Variants in CCDC12 observed in about 807,000 individuals in gnomAD.
CCDC12 encodes the protein coiled-coil domain-containing protein 12.
CCDC12 carries 28 observed loss-of-function variants against 25.7 expected under a neutral mutation model. The ratio of observed to expected loss-of-function variants is 1.09; its 90% CI spans 0.81 to 1.50. The LOEUF (loss-of-function observed/expected upper bound fraction) is 1.50, where lower values mean the gene tolerates loss of function less well. Ranked by LOEUF, CCDC12 falls within the 40% of genes most tolerant of loss-of-function variation. The pLI, the probability that CCDC12 is intolerant of heterozygous loss-of-function variation, is 0.00. For missense variants in CCDC12, 198 were observed against 210.0 expected, an observed-to-expected ratio of 0.94 and a Z score of 0.35; for synonymous variants, 75 against 87.7, an observed-to-expected ratio of 0.86 and a Z score of 0.81.
At chr3:46,973,779 A>AT (rs1322375655) in intron 1 of CCDC12, among the ~76,000 whole-genome samples, 3 of 151,658 alleles carry the variant, frequency 2.0e-5, no homozygotes, top group Non-Finnish European at 2.9e-5. Context: ...CGCTCGGCTA[A>AT]TTTTTTGTAT....
chr3:46,955,295 G>A (rs867320968), intron 1 of CCDC12, among the ~76,000 whole-genome samples: 1 of 152,156 alleles, frequency 6.6e-6, no homozygotes, highest in Non-Finnish European at 1.5e-5. Context: ...GAATGTTTAC[G>A]GAGTCTCTGA....
intron 1 of CCDC12, among the ~76,000 whole-genome samples, chr3:46,948,930 GGTA>G (rs377516912): frequency 0.95 from 144,849 of 152,158 alleles, 69,372 homozygotes; most frequent in East Asian, 1. Flanking sequence ...GCTCCCCTGT[GGTA>G]CTCCATGCTG....
chr3:46,947,234 C>G (rs1405176157), intron 1 of CCDC12, among the ~76,000 whole-genome samples: 1 of 152,184 alleles, frequency 6.6e-6, no homozygotes, highest in Non-Finnish European at 1.5e-5. Flanking sequence ...GATTTGGGCC[C>G]AGGGTGGGGA....
intron 1 of CCDC12, among the ~76,000 whole-genome samples, chr3:46,945,933 G>GA (rs778584804): frequency 1.1e-4 from 17 of 152,076 alleles, no homozygotes; most frequent in Non-Finnish European, 2.1e-4. Flanking sequence ...CATCTCCTCA[G>GA]ACTCGGTGTT....
intron 2 of CCDC12, among the ~76,000 whole-genome samples, chr3:46,932,238 T>A (rs756152962): frequency 1.3e-5 from 2 of 152,186 alleles, no homozygotes; most frequent in Non-Finnish European, 2.9e-5. Flanking sequence ...ATACGCACGA[T>A]CCTGGCAGCA....
At position 46,921,937 on chromosome 3, in the gene CCDC12, G is replaced by A; in HGVS notation, c.*120C>T. On this transcript the variant is annotated 3_prime_UTR_variant, in exon 7 of 7. Transcript: ENST00000683445. ...ATCCATGGGGGTTTCAGACTTGATG[G>A]GCAGGGAGTCTCTGCTCAGAAGCCA... 2 of 1,035,498 alleles carry A rather than the reference G, an allele frequency of 1.9e-6. No homozygotes were observed. The highest frequency in any genetic ancestry group is 1.5e-5 in the South Asian group (1 of 66,548). The allele number at this position is 1,035,498 out of a possible 1,614,324, so 64.1% of individuals were successfully genotyped here. A position where few individuals can be genotyped will look rare whatever the true frequency, so the allele number is the denominator to read the frequency against.
chr3:46,954,728 A>C (rs543087922), intron 1 of CCDC12, among the ~76,000 whole-genome samples: 51 of 152,330 alleles, frequency 3.3e-4, no homozygotes, highest in Non-Finnish European at 6.8e-4. Flanking sequence ...GTTCAAGACC[A>C]GCCTGGCCAA....
intron 2 of CCDC12, among the ~76,000 whole-genome samples, chr3:46,939,831 T>C (rs957719357): frequency 6.6e-6 from 1 of 152,170 alleles, no homozygotes; most frequent in African/African-American, 2.4e-5. Context: ...GGCCCGCATG[T>C]GGGGAGGTTC....
intron 2 of CCDC12, among the ~76,000 whole-genome samples, chr3:46,940,325 T>C (rs1287878326): frequency 6.6e-6 from 1 of 152,142 alleles, no homozygotes; most frequent in African/African-American, 2.4e-5. Context: ...GAGGGAAGTG[T>C]ACCCAAGACC....
At position 46,929,868 on chromosome 3, in the gene CCDC12, T is replaced by TA. The variant is rs535008222; in HGVS notation, c.165-4334dup. ...CAACATGGTGAAACCCCATCTCTACTAAAAAAACAAAAATTAGCCAGATGT... is the reference window on the plus strand; with the variant it reads ...CAACATGGTGAAACCCCATCTCTACTAAAAAAAACAAAAATTAGCCAGATGT... On this transcript the variant is annotated intron_variant, in intron 2 of 6. Transcript: ENST00000683445. 5.3e-5 allele frequency among the ~76,000 whole-genome samples: 8 copies of TA among 151,318 alleles called. 1 individual carries two copies. The South Asian group carries it at 6.3e-4, about 12-fold the overall frequency.
chr3:46,922,654 C>T (rs2032736788), intron 5 of CCDC12: 2 of 380,850 alleles, frequency 5.3e-6, no homozygotes, highest in South Asian at 2.9e-5. Flanking sequence ...GTGGGCCCTG[C>T]TCCTCCTCCA....
intron 2 of CCDC12, among the ~76,000 whole-genome samples, chr3:46,938,610 G>C (rs1470004054): frequency 6.9e-6 from 1 of 145,726 alleles, no homozygotes; most frequent in Non-Finnish European, 1.5e-5. Flanking sequence ...AACACTTTTG[G>C]GAGGCTGAAG....
intron 1 of CCDC12, among the ~76,000 whole-genome samples, chr3:46,948,109 T>C (rs1217515785): frequency 6.6e-6 from 1 of 152,238 alleles, no homozygotes; most frequent in Non-Finnish European, 1.5e-5. Flanking sequence ...TCAGCAATCC[T>C]GTAAGCAGAC....
chr3:46,959,482 T>C (rs1225001644), intron 1 of CCDC12, among the ~76,000 whole-genome samples: 1 of 152,198 alleles, frequency 6.6e-6, no homozygotes, highest in Non-Finnish European at 1.5e-5. Flanking sequence ...CTCTCACCTG[T>C]GTCTTCGGGG....
At chr3:46,953,520 C>T (rs1293703902) in intron 1 of CCDC12, among the ~76,000 whole-genome samples, 1 of 152,072 alleles carries the variant, frequency 6.6e-6, no homozygotes, top group Non-Finnish European at 1.5e-5. Context: ...CTATGGCTCA[C>T]TATCTTGACT....
chr3:46,928,520 T>A (rs545743940), intron 2 of CCDC12, among the ~76,000 whole-genome samples: 1 of 152,150 alleles, frequency 6.6e-6, no homozygotes, highest in South Asian at 2.1e-4. Flanking sequence ...CAACCTCATA[T>A]AATCTCATGG....
intron 1 of CCDC12, among the ~76,000 whole-genome samples, chr3:46,942,327 G>A (rs978172710): frequency 6.6e-6 from 1 of 152,256 alleles, no homozygotes; most frequent in Non-Finnish European, 1.5e-5. Flanking sequence ...TGCCAGGGTT[G>A]GCACTCCAGA....
At chr3:46,962,773 G>A (rs2034502068) in intron 1 of CCDC12, among the ~76,000 whole-genome samples, 2 of 152,192 alleles carry the variant, frequency 1.3e-5, no homozygotes. Flanking sequence ...GTGCTGGTCA[G>A]AGTGCAAAAT....
chr3:46,979,557 C>G (rs539234725), upstream of CCDC12: 58 of 225,612 alleles, frequency 2.6e-4, no homozygotes, highest in South Asian at 9.7e-3. Context: ...CCGGGCCGCC[C>G]GGCCCATAGG....
Sources: allele counts gnomAD v4.1 joint callset (sites outside exome capture counted in the v4.1 genomes callset), GRCh38; gene constraint gnomAD v4.1.1; transcripts MANE v1.5; gene names NCBI Gene and HGNC (gene_info 2026-07-23, HGNC 2026-07-21).